Variants in LRRTM4 observed in about 807,000 individuals in gnomAD.
LRRTM4 encodes the protein leucine rich repeat transmembrane neuronal 4.
LRRTM4 carries 25 observed loss-of-function variants against 47.6 expected under a neutral mutation model. The ratio of observed to expected loss-of-function variants is 0.53; its 90% CI spans 0.38 to 0.73. The LOEUF (loss-of-function observed/expected upper bound fraction) is 0.73, where lower values mean the gene tolerates loss of function less well. Among genes scored for constraint, LRRTM4 ranks in the 30% least tolerant of loss-of-function variants. LRRTM4 has a pLI of 0.00. For synonymous variants in LRRTM4, 311 were observed against 269.5 expected (o/e 1.15, Z -1.51); for missense variants, 638 against 713.4 (o/e 0.89, Z 1.20).
chr2:77,192,939 AT>A lies in LRRTM4; in HGVS notation c.1551+325378del, dbSNP rs908473347. Among the ~76,000 whole-genome samples the A allele has an allele frequency of 3.0e-4, 46 of 151,566 alleles. No individual in the cohort carries two copies. The East Asian group carries it at 5.2e-3, about 17-fold the overall frequency. ...TTTCAGTCAAATTTCTGGCAGGTGC[AT>A]TTTTTTTTCTTGTCTTTGACAATAA... is the stretch of plus-strand genomic sequence containing the variant. On this transcript the variant is annotated intron_variant, in intron 3 of 3. Coordinates refer to ENST00000409884, the MANE Select transcript of LRRTM4 (RefSeq NM_001134745.3).
In LRRTM4 at chr2:76,905,702, GA is replaced by G. The variant is rs1411483931; in HGVS notation, c.1552-156787del. 2.7e-5 allele frequency among the ~76,000 whole-genome samples: 4 copies of G among 148,192 alleles called. No homozygotes were observed. The Admixed American group carries it at 2.8e-4, about 10-fold the overall frequency. ...GCTCCAGAACTACGTGAAGAATGCA[GA>G]AGCCTCAGGAGCCGATGCGATCAAC... On this transcript the variant is annotated intron_variant, in intron 3 of 3. Coordinates refer to ENST00000409884, the MANE Select transcript of LRRTM4 (RefSeq NM_001134745.3).
chr2:76,840,366 C>A (rs955658180), intron 3 of LRRTM4, among the ~76,000 whole-genome samples: 1 of 152,184 alleles, frequency 6.6e-6, no homozygotes, highest in African/African-American at 2.4e-5. Context: ...CTTTTGAGAG[C>A]AATAACAGAG....
At chr2:77,110,047 G>C (rs1357059388) in intron 3 of LRRTM4, among the ~76,000 whole-genome samples, 2 of 152,036 alleles carry the variant, frequency 1.3e-5, no homozygotes, top group African/African-American at 4.8e-5. Context: ...AGAGAAAAAT[G>C]CAAAAATGTA....
rs534338215 is a variant in LRRTM4 at position 77,042,858 on chromosome 2, A to T, written c.1552-293942T>A. 6.6e-5 allele frequency among the ~76,000 whole-genome samples: 10 copies of T among 151,802 alleles called. No individual in the cohort carries two copies. The South Asian group carries it at 1.9e-3, about 28-fold the overall frequency. ...TTCTGACCTCTCCCACTCTTCTTAG[A>T]CAAAGTCTCTGGAATGGGCCATTGT... is the stretch of plus-strand genomic sequence containing the variant. On this transcript the variant is annotated intron_variant, in intron 3 of 3. Transcript: ENST00000409884.
chr2:76,774,772 C>G (rs533628033), intron 3 of LRRTM4, among the ~76,000 whole-genome samples: 2 of 152,242 alleles, frequency 1.3e-5, no homozygotes, highest in South Asian at 4.1e-4. Flanking sequence ...TCTAATTTCT[C>G]TAAAAACATT....
At chr2:77,383,875 G>C (rs1459055873) in intron 3 of LRRTM4, among the ~76,000 whole-genome samples, 1 of 152,072 alleles carries the variant, frequency 6.6e-6, no homozygotes, top group African/African-American at 2.4e-5. Context: ...GTGGGGCCCA[G>C]TAATCTGATT....
At chr2:77,330,843 A>G (rs190120824) in intron 3 of LRRTM4, among the ~76,000 whole-genome samples, 16 of 152,168 alleles carry the variant, frequency 1.1e-4, no homozygotes, top group African/African-American at 3.9e-4. Context: ...CTCCTCAATC[A>G]TGAAATTGTT....
Position 77,138,067 on chromosome 2 carries a change from GA to G in LRRTM4, c.1551+380250del, listed in dbSNP as rs367799509. 9.2e-5 allele frequency among the ~76,000 whole-genome samples: 14 copies of G among 152,232 alleles called. No individual in the cohort carries two copies. In the East Asian group the frequency reaches 2.1e-3, roughly 23 times the overall value. ...TACTGTCAACATTAGACAGATCAAT[GA>G]GACAGAAAGTTAACAAGGATATCCA... On this transcript the variant is annotated intron_variant, in intron 3 of 3. Coordinates refer to ENST00000409884, the MANE Select transcript of LRRTM4 (RefSeq NM_001134745.3).
intron 3 of LRRTM4, among the ~76,000 whole-genome samples, chr2:76,794,271 G>A (rs1675137583): frequency 6.6e-6 from 1 of 152,200 alleles, no homozygotes; most frequent in Non-Finnish European, 1.5e-5. Context: ...GAGAGAAGGA[G>A]CTGTGTCCTT....
At chr2:76,880,772 G>C (rs1366956758) in intron 3 of LRRTM4, among the ~76,000 whole-genome samples, 1 of 152,058 alleles carries the variant, frequency 6.6e-6, no homozygotes, top group Non-Finnish European at 1.5e-5. Context: ...TTTTCAGAGT[G>C]GGCAAACACA....
At position 77,426,805 on chromosome 2, in the gene LRRTM4, G is replaced by GCACACA. The variant is rs72224838; in HGVS notation, c.1551+91507_1551+91512dup. On this transcript the variant is annotated intron_variant, in intron 3 of 3. Transcript: ENST00000409884. ...AATATGTACACACACAGAGGTGTAT[G>GCACACA]CACACACACACACACACACACACAT... 2.6e-4 allele frequency among the ~76,000 whole-genome samples: 38 copies of GCACACA among 147,524 alleles called. No individual in the cohort carries two copies. In the East Asian group the frequency reaches 4.4e-3, roughly 17 times the overall value.
At chr2:77,045,402 C>T (rs1679201026) in intron 3 of LRRTM4, among the ~76,000 whole-genome samples, 2 of 151,798 alleles carry the variant, frequency 1.3e-5, no homozygotes, top group African/African-American at 4.8e-5. Context: ...GTCATTTCCC[C>T]TGCAAATTCA....
intron 3 of LRRTM4, among the ~76,000 whole-genome samples, chr2:77,019,818 TA>T (rs1678203686): frequency 6.6e-6 from 1 of 152,084 alleles, no homozygotes; most frequent in Non-Finnish European, 1.5e-5. Context: ...ATAAAAATTT[TA>T]AAACATGTAG....
Position 76,885,935 on chromosome 2 carries a change from G to T in LRRTM4, c.1552-137019C>A, listed in dbSNP as rs180983761. 7.9e-3 allele frequency among the ~76,000 whole-genome samples: 1,203 copies of T among 151,986 alleles called. 5 individuals carry two copies. The highest frequency in any genetic ancestry group is 0.014 in the Middle Eastern group (4 of 294). ...CAACTCATTTGAAGAAACTACAAAT[G>T]GCTTGGAAGAATAAATCTGACAAAA... On this transcript the variant is annotated intron_variant, in intron 3 of 3. Coordinates refer to ENST00000409884, the MANE Select transcript of LRRTM4 (RefSeq NM_001134745.3).
chr2:76,851,079 T>C (rs1040178220), intron 3 of LRRTM4, among the ~76,000 whole-genome samples: 1 of 152,214 alleles, frequency 6.6e-6, no homozygotes, highest in Non-Finnish European at 1.5e-5. Context: ...TTGCTAACAG[T>C]GCACATTCAG....
In LRRTM4 at chr2:77,518,591, A is replaced by T. The variant is rs1212764989; in HGVS notation, c.1278T>A (p.Ile426=). 6.2e-7 allele frequency: 1 copy of T among 1,613,348 alleles called. No individual in the cohort carries two copies. Among genetic ancestry groups the T allele is most frequent in the African/African-American group, 1.3e-5 (1 of 74,862 alleles). Residue 426 remains isoleucine, a synonymous_variant, in exon 3 of 4, where the codon ATT becomes ATA. Transcript: ENST00000409884. ...AGAGAAAGAGAGCCACACTCCCGGC[A>T]ATAATTTTGTGAAATGAAACATGCT... ...EYEHVSFHKI[I]AGSVALFLSV...
intron 3 of LRRTM4, among the ~76,000 whole-genome samples, chr2:77,020,365 G>A (rs1678222546): frequency 6.6e-6 from 1 of 151,996 alleles, no homozygotes; most frequent in African/African-American, 2.4e-5. Flanking sequence ...AGTAATTGTG[G>A]CTTTTGACAT....
At chr2:77,055,653 C>A (rs927163161) in intron 3 of LRRTM4, among the ~76,000 whole-genome samples, 4 of 152,100 alleles carry the variant, frequency 2.6e-5, no homozygotes, top group Admixed American at 2.6e-4. Flanking sequence ...GGATCTAGAA[C>A]TGGAAATACC....
chr2:77,042,276 A>C, intron 3 of LRRTM4, among the ~76,000 whole-genome samples: 1 of 151,646 alleles, frequency 6.6e-6, no homozygotes, highest in East Asian at 1.9e-4. Context: ...CAAATAGTTA[A>C]GAAAAAATAG....
Sources: allele counts gnomAD v4.1 joint callset (sites outside exome capture counted in the v4.1 genomes callset), GRCh38; gene constraint gnomAD v4.1.1; transcripts MANE v1.5; gene names NCBI Gene and HGNC (gene_info 2026-07-23, HGNC 2026-07-21).